Variants in IL7 observed in about 807,000 individuals in gnomAD.
IL7 encodes interleukin-7.
IL7 carries 3 observed loss-of-function variants against 21.6 expected under a neutral mutation model. The observed-to-expected ratio is 0.14, with a 90% CI of 0.06 to 0.36. The LOEUF is 0.36. Among genes scored for constraint, IL7 ranks in the 10% least tolerant of loss-of-function variants. IL7 has a pLI of 1.00. For synonymous variants in IL7, 62 were observed against 68.1 expected, an observed-to-expected ratio of 0.91 and a Z score of 0.44; for missense variants, 175 against 200.2, an observed-to-expected ratio of 0.87 and a Z score of 0.76.
At chr8:78,747,097 C>A (rs749339492) in intron 2 of IL7, 7 of 454,766 alleles carry the variant, frequency 1.5e-5, no homozygotes, top group South Asian at 1.1e-4. Context: ...AGGGCTGATT[C>A]TAAGGATTGG....
chr8:78,759,457 CCT>C (rs1812473311), intron 2 of IL7, among the ~76,000 whole-genome samples: 1 of 151,658 alleles, frequency 6.6e-6, no homozygotes, highest in Non-Finnish European at 1.5e-5. Context: ...GTATCCATGG[CCT>C]CTGATTCTGT....
intron 2 of IL7, among the ~76,000 whole-genome samples, chr8:78,781,232 C>T (rs1253720906): frequency 6.6e-6 from 1 of 152,048 alleles, no homozygotes; most frequent in African/African-American, 2.4e-5. Context: ...GGTTAATATT[C>T]CTATGTGTGC....
intron 3 of IL7, among the ~76,000 whole-genome samples, chr8:78,739,323 C>T (rs1053845093): frequency 2.6e-5 from 4 of 152,072 alleles, no homozygotes; most frequent in South Asian, 2.1e-4. Context: ...ATTTTCAAGA[C>T]GCTTCCAACT....
At chr8:78,731,419 A>G (rs920448187), downstream of IL7, among the ~76,000 whole-genome samples, 14 of 151,922 alleles carry the variant, frequency 9.2e-5, no homozygotes, top group Non-Finnish European at 1.8e-4. Context: ...TATTACTATT[A>G]AATTTTTTTC....
intron 2 of IL7, among the ~76,000 whole-genome samples, chr8:78,763,351 G>C (rs1450444542): frequency 6.6e-6 from 1 of 152,166 alleles, no homozygotes; most frequent in Non-Finnish European, 1.5e-5. Flanking sequence ...TGATAGCAGT[G>C]ATAAAAGGTT....
chr8:78,741,242 T>A (rs1309995190), intron 2 of IL7, among the ~76,000 whole-genome samples: 1 of 152,252 alleles, frequency 6.6e-6, no homozygotes, highest in African/African-American at 2.4e-5. Context: ...GCAAGAAGTG[T>A]CTGAATACAT....
chr8:78,782,312 G>GT (rs1813361064), intron 2 of IL7, among the ~76,000 whole-genome samples: 1 of 152,054 alleles, frequency 6.6e-6, no homozygotes, highest in South Asian at 2.1e-4. Context: ...AGTTGTCAGT[G>GT]TTTTTTCATT....
chr8:78,800,600 T>C (rs150229509), intron 1 of IL7, among the ~76,000 whole-genome samples: 1 of 152,302 alleles, frequency 6.6e-6, no homozygotes, highest in African/African-American at 2.4e-5. Context: ...AGCCCGGCCA[T>C]ACCACATTTT....
intron 2 of IL7, among the ~76,000 whole-genome samples, chr8:78,790,978 A>G (rs1813673743): frequency 6.6e-6 from 1 of 152,092 alleles, no homozygotes; most frequent in South Asian, 2.1e-4. Flanking sequence ...ATCCAAAGAA[A>G]GAGTAATAAA....
chr8:78,774,123 CCTAT>C (rs1249895596), intron 2 of IL7, among the ~76,000 whole-genome samples: 1 of 151,808 alleles, frequency 6.6e-6, no homozygotes, highest in Non-Finnish European at 1.5e-5. Flanking sequence ...CTGTGTTTAC[CCTAT>C]CTAACATTTT....
At chr8:78,745,732 G>A (rs1811957791) in intron 2 of IL7, among the ~76,000 whole-genome samples, 1 of 152,174 alleles carries the variant, frequency 6.6e-6, no homozygotes, top group African/African-American at 2.4e-5. Context: ...CAAATGAGAG[G>A]ATGTTTTCAT....
intron 3 of IL7, among the ~76,000 whole-genome samples, chr8:78,710,003 G>A (rs954293762): frequency 2.0e-5 from 3 of 152,052 alleles, no homozygotes; most frequent in Admixed American, 1.3e-4. Context: ...TACTTATTTC[G>A]TAAGTGAATT....
At chr8:78,786,787 G>T (rs944831654) in intron 2 of IL7, among the ~76,000 whole-genome samples, 11 of 152,226 alleles carry the variant, frequency 7.2e-5, no homozygotes, top group Middle Eastern at 3.4e-3. Flanking sequence ...CTAATGAGAT[G>T]ACTGGTATCT....
At chr8:78,747,625 C>T (rs1349782425) in intron 2 of IL7, among the ~76,000 whole-genome samples, 2 of 152,136 alleles carry the variant, frequency 1.3e-5, no homozygotes, top group African/African-American at 4.8e-5. Context: ...TGTCAGGTAG[C>T]TTAGCAGATT....
At chr8:78,696,531 G>T (rs1810420565) in intron 3 of IL7, among the ~76,000 whole-genome samples, 1 of 152,138 alleles carries the variant, frequency 6.6e-6, no homozygotes, top group South Asian at 2.1e-4. Flanking sequence ...TGATCAGTAA[G>T]ATACTTTTAT....
At chr8:78,697,286 A>G (rs1463890275) in intron 3 of IL7, 2 of 754,562 alleles carry the variant, frequency 2.7e-6, no homozygotes, top group Non-Finnish European at 4.1e-6. Flanking sequence ...TCATTTCCAC[A>G]ACTCTTTTCA....
Position 78,761,471 on chromosome 8 carries a change from C to T in IL7, c.148-21389G>A. 2.5e-6 allele frequency: 4 copies of T among 1,610,698 alleles called. No individual in the cohort carries two copies. In the South Asian group the frequency reaches 4.4e-5, roughly 18 times the overall value. ...GCCACGACAATACTCCATATTTAAT[C>T]CCCACTTCTCAGTTATCATAGTGTG... On this transcript the variant is annotated intron_variant, in intron 2 of 5. Transcript: ENST00000263851.
At chr8:78,767,657 C>T (rs1388632494) in intron 2 of IL7, among the ~76,000 whole-genome samples, 1 of 152,010 alleles carries the variant, frequency 6.6e-6, no homozygotes, top group African/African-American at 2.4e-5. Flanking sequence ...TTAATATTTA[C>T]AATAGCTATC....
intron 2 of IL7, among the ~76,000 whole-genome samples, chr8:78,781,011 G>C (rs1384666123): frequency 4.6e-5 from 7 of 151,932 alleles, no homozygotes; most frequent in African/African-American, 1.7e-4. Context: ...GATCTTTATT[G>C]GTTTAAAGTC....
Sources: allele counts gnomAD v4.1 joint callset (sites outside exome capture counted in the v4.1 genomes callset), GRCh38; gene constraint gnomAD v4.1.1; transcripts MANE v1.5; gene names NCBI Gene and HGNC (gene_info 2026-07-23, HGNC 2026-07-21).